The following MAPK4 variants were observed in gnomAD, a reference collection of about 807,000 sequenced individuals.
MAPK4 encodes mitogen-activated protein kinase 4.
In MAPK4, 22 loss-of-function variants were observed where a neutral mutation model predicts 47.7. The observed-to-expected ratio is 0.46, with a 90% CI of 0.33 to 0.66. The LOEUF is 0.66. MAPK4 is among the 30% of genes least tolerant of loss of function. The pLI, the probability that MAPK4 is intolerant of heterozygous loss-of-function variation, is 0.02. For synonymous variants in MAPK4, 390 were observed against 365.7 expected, an observed-to-expected ratio of 1.07 and a Z score of -0.76; for missense variants, 736 against 831.7, an observed-to-expected ratio of 0.88 and a Z score of 1.42.
chr18:50,666,265 A>T (rs987208316), intron 2 of MAPK4, among the ~76,000 whole-genome samples: 3 of 152,164 alleles, frequency 2.0e-5, no homozygotes, highest in African/African-American at 4.8e-5. Flanking sequence ...ACCCTTTAGG[A>T]GGAGTCAGAG....
At chr18:50,726,631 C>T (rs913073769) in intron 5 of MAPK4, among the ~76,000 whole-genome samples, 4 of 152,152 alleles carry the variant, frequency 2.6e-5, no homozygotes, top group Non-Finnish European at 4.4e-5. Context: ...GGTTCGGTGG[C>T]TCATATCTGT....
chr18:50,595,119 T>TA (rs2042470634), intron 1 of MAPK4, among the ~76,000 whole-genome samples: 1 of 152,218 alleles, frequency 6.6e-6, no homozygotes, highest in Non-Finnish European at 1.5e-5. Context: ...TATAAAGTGA[T>TA]ACAATTATCT....
chr18:50,638,451 A>C (rs959604941), intron 1 of MAPK4, among the ~76,000 whole-genome samples: 3 of 152,212 alleles, frequency 2.0e-5, no homozygotes, highest in Non-Finnish European at 4.4e-5. Flanking sequence ...CAGCACTTTT[A>C]ATACAAACAA....
At position 50,664,475 on chromosome 18, in the gene MAPK4, A is replaced by G; in HGVS notation, c.517A>G (p.Arg173Gly). The change falls in exon 2 of 6, where the codon AGG (arginine) becomes GGG (glycine). Residue 173 changes from arginine to glycine, a missense_variant. Around this residue, in one of 3 missense-constraint regions of MAPK4, gnomAD observed 327 missense variants for 395.4 expected, o/e 0.83. Coordinates refer to ENST00000400384, the MANE Select transcript of MAPK4 (RefSeq NM_002747.4). The surrounding 1 kb of genome is among the most constrained non-coding windows in gnomAD (Gnocchi z 6.0). ...CAAGATTGGGGATTTCGGGTTGGCA[A>G]GGATCGTTGATCAGCATTACTCCCA... ...VLKIGDFGLA[R>G]IVDQHYSHKG... 1 of 1,606,270 alleles carries G rather than the reference A, an allele frequency of 6.2e-7. No individual in the cohort carries two copies. The highest frequency in any genetic ancestry group is 8.5e-7 in the Non-Finnish European group (1 of 1,174,936).
At position 50,664,553 on chromosome 18, in the gene MAPK4, G is replaced by T; in HGVS notation, c.546+49G>T. 6.5e-7 allele frequency: 1 copy of T among 1,532,116 alleles called. No homozygotes were observed. Among genetic ancestry groups the T allele is most frequent in the South Asian group, 1.3e-5 (1 of 79,042 alleles). 94.9% of individuals were successfully genotyped at this position (1,532,116 alleles called of 1,614,324 possible). A position where few individuals can be genotyped will look rare whatever the true frequency, so the allele number is the denominator to read the frequency against. On this transcript the variant is annotated intron_variant, in intron 2 of 5. Transcript: ENST00000400384. This position sits in a 1 kb window ranked among gnomAD's most constrained non-coding sequence, Gnocchi z 6.0. ...TACTGGTGGTCCACAGAATCCCCAA[G>T]AATACTTGCAGCATTCCCAAGCTAT... is the stretch of plus-strand genomic sequence containing the variant.
chr18:50,729,858 C>CGGAG lies in MAPK4; in HGVS notation c.*7_*10dup, dbSNP rs760112580. 6.2e-7 allele frequency: 1 copy of CGGAG among 1,603,090 alleles called. No homozygotes were observed. The highest frequency in any genetic ancestry group is 1.7e-5 in the Admixed American group (1 of 59,494). On this transcript the variant is annotated 3_prime_UTR_variant, in exon 6 of 6. Coordinates refer to ENST00000400384, the MANE Select transcript of MAPK4 (RefSeq NM_002747.4). ...CTTCTCCAAAGAAAGGTGGTGAGGG[C>CGGAG]GGAGGGGCCGCTCCAGGCCCCACAG...
chr18:50,662,319 A>G (rs925225564), intron 1 of MAPK4, among the ~76,000 whole-genome samples: 3 of 152,108 alleles, frequency 2.0e-5, no homozygotes, highest in Admixed American at 1.3e-4. Flanking sequence ...TTTCCTCCCC[A>G]CTTAGTTCCT....
intron 5 of MAPK4, 53 bp from the exon 6 acceptor site, chr18:50,729,105 C>A: frequency 6.8e-7 from 1 of 1,465,556 alleles, no homozygotes; most frequent in Non-Finnish European, 9.2e-7. Context: ...GGCTCCCTCC[C>A]GGAAGCTACC....
At chr18:50,599,570 A>G (rs1389111329) in intron 1 of MAPK4, among the ~76,000 whole-genome samples, 2 of 152,102 alleles carry the variant, frequency 1.3e-5, no homozygotes, top group East Asian at 1.9e-4. Context: ...GGCATGTGCC[A>G]CCACACCCGG....
At chr18:50,599,126 A>G (rs1268659114) in intron 1 of MAPK4, among the ~76,000 whole-genome samples, 1 of 152,160 alleles carries the variant, frequency 6.6e-6, no homozygotes, top group Non-Finnish European at 1.5e-5. Context: ...TGTTATTTAG[A>G]TTAATATGAT....
chr18:50,629,266 C>T (rs958968001), intron 1 of MAPK4, among the ~76,000 whole-genome samples: 5 of 152,180 alleles, frequency 3.3e-5, no homozygotes, highest in Admixed American at 6.5e-5. Context: ...ATTCCCCAAG[C>T]GGTAGCAGAA....
chr18:50,624,190 A>G (rs2042756239), intron 1 of MAPK4, among the ~76,000 whole-genome samples: 1 of 152,232 alleles, frequency 6.6e-6, no homozygotes, highest in Non-Finnish European at 1.5e-5. Context: ...TGGCTAACAC[A>G]ATGCTGGGGA....
intron 1 of MAPK4, among the ~76,000 whole-genome samples, chr18:50,652,394 T>G (rs949683411): frequency 1.3e-5 from 2 of 152,184 alleles, no homozygotes; most frequent in Non-Finnish European, 2.9e-5. Flanking sequence ...CATGCCTATG[T>G]GTCAGCTGGA....
At chr18:50,587,879 C>T (rs2042402473) in intron 1 of MAPK4, among the ~76,000 whole-genome samples, 1 of 152,096 alleles carries the variant, frequency 6.6e-6, no homozygotes, top group African/African-American at 2.4e-5. Flanking sequence ...CAGGCGCCCA[C>T]CACCACGCCC....
rs925649613 is a variant in MAPK4, at chr18:50,603,383, C to T, written c.-871+43140C>T. ...AAGGGACATCCACATCTCCTCTCAC[C>T]CTGTGACCACAACAAAGAGGGGCTC... is the stretch of plus-strand genomic sequence containing the variant. On this transcript the variant is annotated intron_variant, in intron 1 of 5. Transcript: ENST00000400384. Among the ~76,000 whole-genome samples, 3 of 152,166 alleles carry T rather than the reference C, an allele frequency of 2.0e-5. No homozygotes were observed. The East Asian group carries it at 5.8e-4, about 29-fold the overall frequency.
chr18:50,667,255 CCTT>C (rs1020785490), intron 2 of MAPK4, among the ~76,000 whole-genome samples: 3 of 152,206 alleles, frequency 2.0e-5, no homozygotes, highest in African/African-American at 4.8e-5. Context: ...AGCTGTCTCT[CCTT>C]CTTTATGGTT....
At chr18:50,725,024 G>A (rs890942001) in intron 4 of MAPK4, among the ~76,000 whole-genome samples, 2 of 152,220 alleles carry the variant, frequency 1.3e-5, no homozygotes, top group Admixed American at 1.3e-4. Context: ...CTCAAGGGAA[G>A]GGCCACCAGT....
chr18:50,609,629 C>G (rs150560366), intron 1 of MAPK4, among the ~76,000 whole-genome samples: 191 of 152,266 alleles, frequency 1.3e-3, no homozygotes, highest in African/African-American at 4.3e-3. Context: ...AGGTACTATT[C>G]TAAGTGCTTG....
chr18:50,668,450 G>A (rs368104266), intron 2 of MAPK4, among the ~76,000 whole-genome samples: 13 of 152,176 alleles, frequency 8.5e-5, no homozygotes, highest in African/African-American at 1.4e-4. Flanking sequence ...CTCTTCTCTA[G>A]TGAGCAACTG....
Sources: gnomAD v4.1 joint callset for allele counts (sites outside exome capture counted in the v4.1 genomes callset) on GRCh38, gnomAD v4.1.1 for gene constraint, gnomAD v4.1.1 regional missense constraint, Gnocchi (gnomAD v3.1) non-coding constraint, MANE v1.5 for transcripts, NCBI Gene and HGNC (gene_info 2026-07-23, HGNC 2026-07-21) for gene names.